Variants in ATXN1 observed in about 807,000 individuals in gnomAD.
The protein encoded by ATXN1 is ataxin 1.
In ATXN1, 8 loss-of-function variants were observed where a neutral mutation model predicts 56.4. That is an observed-to-expected ratio of 0.14 (90% confidence interval 0.08 to 0.26). The LOEUF (loss-of-function observed/expected upper bound fraction) is 0.26. Ranked by LOEUF, ATXN1 falls within the 10% of genes least tolerant of loss-of-function variation. The pLI is 1.00. For synonymous variants in ATXN1, 514 were observed against 494.6 expected (o/e 1.04, Z -0.52); for missense variants, 987 against 1,106.5 (o/e 0.89, Z 1.53).
At chr6:16,648,973 T>C (rs919717480) in intron 3 of ATXN1, among the ~76,000 whole-genome samples, 2 of 151,504 alleles carry the variant, frequency 1.3e-5, no homozygotes, top group Non-Finnish European at 3.0e-5. Context: ...TGCATACATA[T>C]ATAATATAAA....
intron 4 of ATXN1, among the ~76,000 whole-genome samples, chr6:16,528,761 G>A (rs1195152421): frequency 6.6e-6 from 1 of 152,124 alleles, no homozygotes; most frequent in African/African-American, 2.4e-5. Context: ...ACCTAACCAA[G>A]GTCACCAGTA....
chr6:16,538,990 A>G (rs1011715532), intron 4 of ATXN1, among the ~76,000 whole-genome samples: 1 of 151,908 alleles, frequency 6.6e-6, no homozygotes, highest in African/African-American at 2.4e-5. Flanking sequence ...CCAGCCCAAA[A>G]TAACTATTCT....
intron 4 of ATXN1, among the ~76,000 whole-genome samples, chr6:16,537,607 G>A (rs1257568971): frequency 6.6e-6 from 1 of 151,900 alleles, no homozygotes; most frequent in African/African-American, 2.4e-5. Context: ...TCGGCAGGCT[G>A]GGGCAGGAGA....
chr6:16,757,881 T>C (rs2927), intron 1 of ATXN1, among the ~76,000 whole-genome samples: 102,501 of 151,848 alleles, frequency 0.68, 35,663 homozygotes, highest in East Asian at 0.93. Flanking sequence ...TAGCCAGCTT[T>C]ATCAGTGGTG....
chr6:16,467,789 G>A (rs971541259), intron 6 of ATXN1, among the ~76,000 whole-genome samples: 15 of 152,154 alleles, frequency 9.9e-5, no homozygotes, highest in African/African-American at 3.6e-4. Context: ...ACTTAAAACA[G>A]TTCATTTTAA....
At chr6:16,584,271 C>CAT (rs1554117653) in intron 4 of ATXN1, among the ~76,000 whole-genome samples, 54 of 140,314 alleles carry the variant, frequency 3.8e-4, no homozygotes, top group African/African-American at 1.3e-3. Flanking sequence ...CACACACACA[C>CAT]ATATACACAT....
In ATXN1 at chr6:16,328,150, C is replaced by T. The variant is rs762985181; in HGVS notation, c.161G>A (p.Gly54Asp). ...CGGCCCATGCCTCCCGCCCCCGTGG[C>T]CCCGGCCACCAGGGTTGCCCGGGAG... ...AWLPGNPGGR[G>D]HGGGRHGPAG... The change falls in exon 7 of 8, where the codon GGC becomes GAC. Residue 54 changes from glycine (G) to aspartate (D), a missense_variant. By Grantham distance (94) the Gly-to-Asp change is moderately conservative. This residue lies in a region of ATXN1 where 723 missense variants were observed against 791.7 expected (regional missense o/e 0.91). Coordinates refer to ENST00000436367, the MANE Select transcript of ATXN1 (RefSeq NM_001128164.2). This position sits in a 1 kb window ranked among gnomAD's most constrained non-coding sequence, Gnocchi z 6.2. 6.3e-7 allele frequency: 1 copy of T among 1,582,536 alleles called. No homozygotes were observed. The highest frequency in any genetic ancestry group is 1.2e-5 in the South Asian group (1 of 86,502).
chr6:16,622,767 T>C (rs1310820764), intron 3 of ATXN1, among the ~76,000 whole-genome samples: 1 of 152,206 alleles, frequency 6.6e-6, no homozygotes, highest in East Asian at 1.9e-4. Context: ...CATATGAGCA[T>C]TTAAAATGGC....
chr6:16,758,666 A>T (rs1197878233), intron 1 of ATXN1, among the ~76,000 whole-genome samples: 1 of 152,218 alleles, frequency 6.6e-6, no homozygotes, highest in East Asian at 1.9e-4. Context: ...GACGAGGAAC[A>T]CTGTCTGTTG....
At chr6:16,622,926 G>T (rs1395125252) in intron 3 of ATXN1, among the ~76,000 whole-genome samples, 4 of 151,468 alleles carry the variant, frequency 2.6e-5, no homozygotes, top group Admixed American at 2.6e-4. Context: ...GCATACTTTT[G>T]AAATTTTACA....
chr6:16,714,859 T>C (rs538751560), intron 2 of ATXN1, among the ~76,000 whole-genome samples: 1 of 152,180 alleles, frequency 6.6e-6, no homozygotes, highest in Non-Finnish European at 1.5e-5. Flanking sequence ...TTACGGGGCG[T>C]GGAATTTGCC....
intron 6 of ATXN1, among the ~76,000 whole-genome samples, chr6:16,462,434 T>A (rs1760018106): frequency 6.6e-6 from 1 of 152,214 alleles, no homozygotes; most frequent in African/African-American, 2.4e-5. Context: ...GGAAAAACTC[T>A]TTCCTATTTA....
intron 2 of ATXN1, among the ~76,000 whole-genome samples, chr6:16,671,618 G>T (rs1317039045): frequency 6.6e-6 from 1 of 152,136 alleles, no homozygotes; most frequent in African/African-American, 2.4e-5. Context: ...ATTAAAAAGG[G>T]ACTCACAGAG....
rs778868899 is a variant in ATXN1, at chr6:16,306,193, C to T, written c.*136G>A. 2 of 1,130,732 alleles carry T rather than the reference C, an allele frequency of 1.8e-6. No individual in the cohort carries two copies. The highest frequency in any genetic ancestry group is 2.5e-6 in the Non-Finnish European group (2 of 801,342). The allele number at this position is 1,130,732 out of a possible 1,614,324, so 70.0% of individuals were successfully genotyped here. A position where few individuals can be genotyped will look rare whatever the true frequency, so the allele number is the denominator to read the frequency against. On this transcript the variant is annotated 3_prime_UTR_variant, in exon 8 of 8. Transcript: ENST00000436367. This position sits in a 1 kb window ranked among gnomAD's most constrained non-coding sequence, Gnocchi z 5.2. ...GTCTCCTGCGACACACCTGCTGTAA[C>T]TCTAATGACAAGGTTAGAACAGAAA...
intron 4 of ATXN1, among the ~76,000 whole-genome samples, chr6:16,563,788 C>A (rs772337694): frequency 6.7e-6 from 1 of 150,112 alleles, no homozygotes; most frequent in Non-Finnish European, 1.5e-5. Context: ...AACTTAACAC[C>A]GGTCCATGAC....
At chr6:16,324,617 G>A (rs1316816341) in intron 7 of ATXN1, among the ~76,000 whole-genome samples, 1 of 152,168 alleles carries the variant, frequency 6.6e-6, no homozygotes, top group Non-Finnish European at 1.5e-5. Context: ...ATCCTAGATG[G>A]AAACACTTGT....
chr6:16,476,059 G>A (rs1184304411), intron 6 of ATXN1, among the ~76,000 whole-genome samples: 2 of 152,036 alleles, frequency 1.3e-5, no homozygotes, highest in Non-Finnish European at 2.9e-5. Context: ...TTTTAGTAGA[G>A]ATAAGGTTTC....
chr6:16,332,634 G>A (rs548553911), intron 6 of ATXN1, among the ~76,000 whole-genome samples: 4 of 152,324 alleles, frequency 2.6e-5, no homozygotes, highest in South Asian at 4.2e-4. Flanking sequence ...AGATCGCACT[G>A]TTTAAACATT....
intron 2 of ATXN1, among the ~76,000 whole-genome samples, chr6:16,746,454 C>T (rs984069769): frequency 2.0e-5 from 3 of 152,202 alleles, no homozygotes; most frequent in Admixed American, 6.5e-5. Flanking sequence ...AACCAAATGA[C>T]ATCAAAACGA....
Sources: allele counts gnomAD v4.1 joint callset (sites outside exome capture counted in the v4.1 genomes callset), GRCh38; gene constraint gnomAD v4.1.1; regional missense constraint gnomAD v4.1.1; non-coding constraint Gnocchi (gnomAD v3.1); transcripts MANE v1.5; gene names NCBI Gene and HGNC (gene_info 2026-07-23, HGNC 2026-07-21).